Variants in PRKN observed in about 807,000 individuals in gnomAD.
The protein encoded by PRKN is parkin RBR E3 ubiquitin protein ligase.
In PRKN, 56 loss-of-function variants were observed where a neutral mutation model predicts 59.5. The ratio of observed to expected loss-of-function variants is 0.94; its 90% CI spans 0.76 to 1.18. The LOEUF is 1.18. Ranked by LOEUF, PRKN falls within the 50% of genes most tolerant of loss-of-function variation. The probability of loss-of-function intolerance (pLI) is 0.00; values close to 1 mark genes in which losing one functional copy is unlikely to be tolerated. For synonymous variants in PRKN, 250 were observed against 222.1 expected (o/e 1.13, Z -1.12); for missense variants, 657 against 596.4 (o/e 1.10, Z -1.06).
chr6:162,453,210 G>C (rs534079478), intron 1 of PRKN, among the ~76,000 whole-genome samples: 6 of 152,290 alleles, frequency 3.9e-5, no homozygotes, highest in African/African-American at 1.4e-4. Context: ...CAGGGAGTAA[G>C]AGACCCTGGT....
At chr6:162,361,846 A>C (rs1785156558) in intron 2 of PRKN, among the ~76,000 whole-genome samples, 1 of 152,182 alleles carries the variant, frequency 6.6e-6, no homozygotes, top group Admixed American at 6.5e-5. Context: ...CTGATATCAA[A>C]GCAAACCTTG....
chr6:161,806,023 C>T (rs981738135), intron 6 of PRKN, among the ~76,000 whole-genome samples: 43 of 152,210 alleles, frequency 2.8e-4, no homozygotes, highest in African/African-American at 1.0e-3. Flanking sequence ...TACTCCCTGG[C>T]ATAGGCCTTC....
intron 1 of PRKN, among the ~76,000 whole-genome samples, chr6:162,558,760 T>C (rs910616086): frequency 1.3e-5 from 2 of 151,940 alleles, no homozygotes; most frequent in Admixed American, 6.6e-5. Flanking sequence ...TGCCTCAGCC[T>C]CCTCTGTACC....
chr6:162,017,795 T>C (rs1782983927), intron 5 of PRKN, among the ~76,000 whole-genome samples: 1 of 152,174 alleles, frequency 6.6e-6, no homozygotes, highest in Admixed American at 6.5e-5. Context: ...ATTTCATACT[T>C]AACCTTTTCT....
At chr6:162,254,997 C>T (rs184131990) in intron 3 of PRKN, among the ~76,000 whole-genome samples, 62 of 151,960 alleles carry the variant, frequency 4.1e-4, no homozygotes, top group Middle Eastern at 6.8e-3. Context: ...TATCATAGAG[C>T]ACCCACTATT....
In PRKN at chr6:161,407,483, G is replaced by C. The variant is rs796405150; in HGVS notation, c.1084-20606C>G. Among the ~76,000 whole-genome samples, 1 of 152,070 alleles carries C rather than the reference G, an allele frequency of 6.6e-6. No individual in the cohort carries two copies. The highest frequency in any genetic ancestry group is 1.5e-5 in the Non-Finnish European group (1 of 68,028). On this transcript the variant is annotated intron_variant, in intron 9 of 11. Coordinates refer to ENST00000366898, the MANE Select transcript of PRKN (RefSeq NM_004562.3). This position sits in a 1 kb window ranked among gnomAD's most constrained non-coding sequence, Gnocchi z 4.9. ...TCAATTTAATAGTGGCTTGACCAAA[G>C]AAAGAAAAGCTCCATCATACTACCA...
chr6:162,103,948 G>A (rs1780084287), intron 4 of PRKN, among the ~76,000 whole-genome samples: 1 of 152,214 alleles, frequency 6.6e-6, no homozygotes, highest in Non-Finnish European at 1.5e-5. Context: ...TGGGCCAAGA[G>A]GGCAAGTGGA....
Position 161,460,947 on chromosome 6 carries a change from C to T in PRKN, c.1084-74070G>A, listed in dbSNP as rs901612910. On this transcript the variant is annotated intron_variant, in intron 9 of 11. Coordinates refer to ENST00000366898, the MANE Select transcript of PRKN (RefSeq NM_004562.3). This position sits in a 1 kb window ranked among gnomAD's most constrained non-coding sequence, Gnocchi z 5.0. Reference sequence around the variant, plus strand: ...CTTTCTTTTTTTTTTTTAGCAGAGACGGGGTTTCACCATGTTGGCCAGGAT... The same window carrying T: ...CTTTCTTTTTTTTTTTTAGCAGAGATGGGGTTTCACCATGTTGGCCAGGAT... Among the ~76,000 whole-genome samples, 15 of 151,038 alleles carry T rather than the reference C, an allele frequency of 9.9e-5. No individual in the cohort carries two copies. The highest frequency in any genetic ancestry group is 2.9e-5 in the Non-Finnish European group (2 of 67,798).
At position 162,339,307 on chromosome 6, in the gene PRKN, C is replaced by A. The variant is rs548138337; in HGVS notation, c.172-76542G>T. Among the ~76,000 whole-genome samples the A allele has an allele frequency of 1.7e-4, 24 of 138,010 alleles. 1 individual carries two copies. In the South Asian group the frequency reaches 5.5e-3, roughly 32 times the overall value. 90.5% of individuals were successfully genotyped at this position (138,010 alleles called of 152,430 possible). On this transcript the variant is annotated intron_variant, in intron 2 of 11. Transcript: ENST00000366898. ...GAGGGAGGTGGGGGGGTCAGCCCCC[C>A]GCCCGGCCAGCCGCGCCGTCTGGGA...
At chr6:161,968,184 C>T (rs144364302) in intron 6 of PRKN, among the ~76,000 whole-genome samples, 11,811 of 136,836 alleles carry the variant, frequency 0.086, 564 homozygotes, top group Middle Eastern at 0.13. Context: ...CCATGCCTGG[C>T]TAATTTTTTT....
At chr6:161,366,225 C>G (rs1036715312) in intron 10 of PRKN, among the ~76,000 whole-genome samples, 2 of 152,154 alleles carry the variant, frequency 1.3e-5, no homozygotes, top group African/African-American at 4.8e-5. Flanking sequence ...GGAAGAGAGA[C>G]CTCCCCAGAT....
chr6:162,120,415 T>C (rs1391057470), intron 4 of PRKN, among the ~76,000 whole-genome samples: 1 of 152,192 alleles, frequency 6.6e-6, no homozygotes, highest in Non-Finnish European at 1.5e-5. Flanking sequence ...CAGGTAGGTA[T>C]TGCAAGGACT....
At chr6:162,137,289 AC>A (rs1781593289) in intron 4 of PRKN, among the ~76,000 whole-genome samples, 1 of 152,210 alleles carries the variant, frequency 6.6e-6, no homozygotes. Context: ...CTTGCTATTT[AC>A]CAGCTACTCA....
intron 4 of PRKN, among the ~76,000 whole-genome samples, chr6:162,139,521 A>G (rs1014526588): frequency 3.3e-5 from 5 of 152,130 alleles, no homozygotes; most frequent in African/African-American, 1.2e-4. Context: ...CAGGGTAAAG[A>G]GAATCAGCAT....
At chr6:162,497,320 C>T (rs1312488088) in intron 1 of PRKN, among the ~76,000 whole-genome samples, 1 of 152,152 alleles carries the variant, frequency 6.6e-6, no homozygotes, top group Non-Finnish European at 1.5e-5. Context: ...AGTAACTAAA[C>T]TTAACAAAAC....
chr6:162,607,934 A>T (rs891053068), intron 1 of PRKN, among the ~76,000 whole-genome samples: 3 of 152,188 alleles, frequency 2.0e-5, no homozygotes, highest in African/African-American at 7.2e-5. Flanking sequence ...CTAGCAAGAG[A>T]TGGGACAAGC....
In PRKN at chr6:161,569,412, G is replaced by A. The variant is rs2115480205; in HGVS notation, c.876C>T (p.Gly292=). The A allele has an allele frequency of 6.2e-7, 1 of 1,613,278 alleles. No homozygotes were observed. The highest frequency in any genetic ancestry group is 8.5e-7 in the Non-Finnish European group (1 of 1,179,226). ...GCTCTTTAATCAAGGAGTTGGGACAGCCAGCTGTTGGAAAGAAGAATTAAT... is the reference window on the plus strand; with the variant it reads ...GCTCTTTAATCAAGGAGTTGGGACAACCAGCTGTTGGAAAGAAGAATTAAT... ...QLGYSLPCVA[G]CPNSLIKELH... The change falls in exon 8 of 12, where the codon GGC becomes GGT. Residue 292 remains glycine, a synonymous_variant. Coordinates refer to ENST00000366898, the MANE Select transcript of PRKN (RefSeq NM_004562.3).
intron 2 of PRKN, among the ~76,000 whole-genome samples, chr6:162,314,986 G>A (rs2128119364): frequency 6.6e-6 from 1 of 152,168 alleles, no homozygotes; most frequent in Middle Eastern, 3.4e-3. Flanking sequence ...AGATCACCAG[G>A]GTTTCATGTG....
chr6:162,236,765 G>A (rs1043115758), intron 3 of PRKN, among the ~76,000 whole-genome samples: 1 of 151,486 alleles, frequency 6.6e-6, no homozygotes, highest in Non-Finnish European at 1.5e-5. Context: ...ATTGCACTCC[G>A]CCTGGGTGAC....
Sources: gnomAD v4.1 joint callset for allele counts (sites outside exome capture counted in the v4.1 genomes callset) on GRCh38, gnomAD v4.1.1 for gene constraint, Gnocchi (gnomAD v3.1) non-coding constraint, MANE v1.5 for transcripts, NCBI Gene and HGNC (gene_info 2026-07-23, HGNC 2026-07-21) for gene names.